ACYP2: variants seen among roughly 807,000 people sequenced by gnomAD.
ACYP2 encodes the protein acylphosphatase-2.
A neutral mutation model predicts 11.2 loss-of-function variants in ACYP2; 12 were observed. That is an observed-to-expected ratio of 1.08 (90% confidence interval 0.69 to 1.74). The LOEUF (loss-of-function observed/expected upper bound fraction) is 1.74. Ranked by LOEUF, ACYP2 falls within the 40% of genes most tolerant of loss-of-function variation. The pLI, the probability that ACYP2 is intolerant of heterozygous loss-of-function variation, is 0.00. For missense variants in ACYP2, 134 were observed against 101.9 expected, an observed-to-expected ratio of 1.31 and a Z score of -1.35; for synonymous variants, 43 against 32.2, an observed-to-expected ratio of 1.33 and a Z score of -1.13.
intron 5 of ACYP2, among the ~76,000 whole-genome samples, chr2:54,137,529 C>T (rs1681323092): frequency 6.6e-6 from 1 of 151,756 alleles, no homozygotes; most frequent in Non-Finnish European, 1.5e-5. Flanking sequence ...TGAGAACATG[C>T]AATATTTGGT....
At chr2:54,227,232 G>C (rs931452394) in intron 6 of ACYP2, among the ~76,000 whole-genome samples, 11 of 152,198 alleles carry the variant, frequency 7.2e-5, no homozygotes, top group African/African-American at 2.7e-4. Flanking sequence ...TCCAAAAGCA[G>C]TTTAACTAAG....
At chr2:54,013,192 C>T (rs1673475288) in intron 2 of ACYP2, among the ~76,000 whole-genome samples, 1 of 125,572 alleles carries the variant, frequency 8.0e-6, no homozygotes. Context: ...TCCACATCCT[C>T]AGCAATTTCT....
At chr2:54,049,223 T>C (rs1675697462) in intron 2 of ACYP2, among the ~76,000 whole-genome samples, 1 of 152,082 alleles carries the variant, frequency 6.6e-6, no homozygotes, top group South Asian at 2.1e-4. Context: ...ATCGCGTCAC[T>C]GCACTCCAGC....
chr2:54,007,892 G>GA lies in ACYP2; in HGVS notation c.62+34092dup, dbSNP rs1009246070. 4.0e-4 allele frequency among the ~76,000 whole-genome samples: 60 copies of GA among 150,054 alleles called. No homozygotes were observed. In the East Asian group the frequency reaches 7.6e-3, roughly 19 times the overall value. On this transcript the variant is annotated intron_variant, in intron 2 of 6. Transcript: ENST00000607452. ...AAAAAACAAACAAAAACAAACAAAT[G>GA]AAAAAAAAAAGGTGGTTTAGTTTTG... is the stretch of plus-strand genomic sequence containing the variant.
At chr2:54,108,447 C>T (rs2287642) in intron 4 of ACYP2, among the ~76,000 whole-genome samples, 86,115 of 152,016 alleles carry the variant, frequency 0.57, 24,534 homozygotes, top group East Asian at 0.71. Context: ...GAGTCAAGCC[C>T]TTTCGGGAGT....
intron 6 of ACYP2, among the ~76,000 whole-genome samples, chr2:54,219,925 A>G (rs1424054661): frequency 1.0e-5 from 1 of 99,034 alleles, no homozygotes; most frequent in East Asian, 3.2e-4. Context: ...TTTTTTTAGT[A>G]GAGATGGGTT....
At chr2:54,226,062 G>T (rs1685998506) in intron 6 of ACYP2, among the ~76,000 whole-genome samples, 1 of 152,182 alleles carries the variant, frequency 6.6e-6, no homozygotes. Flanking sequence ...ATATGGAAAA[G>T]TTTGTGAGAA....
intron 6 of ACYP2, among the ~76,000 whole-genome samples, chr2:54,163,456 A>C (rs1479616858): frequency 1.3e-5 from 2 of 152,232 alleles, no homozygotes; most frequent in African/African-American, 4.8e-5. Context: ...ACATTATTTA[A>C]AAAACTGAGA....
chr2:53,983,136 C>G (rs1240141419), intron 2 of ACYP2, among the ~76,000 whole-genome samples: 1 of 151,946 alleles, frequency 6.6e-6, no homozygotes, highest in African/African-American at 2.4e-5. Flanking sequence ...GATGCAAGGC[C>G]TAGACCAAAT....
chr2:54,143,191 C>T (rs571414949), intron 6 of ACYP2: 1 of 152,294 alleles, frequency 6.6e-6, no homozygotes, highest in East Asian at 1.9e-4. Context: ...CCATAGCAGG[C>T]ATGCCTGTTT....
At chr2:53,995,488 T>TTTTATTTATTTATTTATTTATTTA (rs374442168) in intron 2 of ACYP2, among the ~76,000 whole-genome samples, 20 of 145,070 alleles carry the variant, frequency 1.4e-4, no homozygotes, top group African/African-American at 4.3e-4. Context: ...TTTATTTATT[T>TTTTATTTATTTATTTATTTATTTA]TTTATTTATT....
At chr2:54,255,684 G>A (rs781018740) in intron 6 of ACYP2, 2 of 1,613,892 alleles carry the variant, frequency 1.2e-6, no homozygotes, top group East Asian at 2.2e-5. Context: ...CTGAGAACAT[G>A]GCACACTCCT....
intron 6 of ACYP2, among the ~76,000 whole-genome samples, chr2:54,217,051 G>C (rs1474629835): frequency 1.3e-5 from 2 of 151,538 alleles, no homozygotes; most frequent in Non-Finnish European, 2.9e-5. Context: ...TATTTCCTTA[G>C]GTTTCCCGTA....
intron 4 of ACYP2, among the ~76,000 whole-genome samples, chr2:54,067,053 A>C (rs1676787366): frequency 6.6e-6 from 1 of 152,216 alleles, no homozygotes; most frequent in East Asian, 1.9e-4. Flanking sequence ...TGATGGTAAC[A>C]CTTTTGTCAT....
chr2:54,095,128 C>G (rs983819759), intron 4 of ACYP2, among the ~76,000 whole-genome samples: 23 of 151,936 alleles, frequency 1.5e-4, no homozygotes, highest in Non-Finnish European at 3.1e-4. Context: ...TTTAACAAAG[C>G]ACATCTTGCA....
rs151103547 is a variant in ACYP2, at chr2:54,005,528, C to T, written c.62+31718C>T. Reference sequence around the variant, plus strand: ...CTAATTTTTGTATTTTTAGTAGAGACGGGTTTTGCCATGTTGGCCAGGCTG... The same window carrying T: ...CTAATTTTTGTATTTTTAGTAGAGATGGGTTTTGCCATGTTGGCCAGGCTG... On this transcript the variant is annotated intron_variant, in intron 2 of 6. Coordinates refer to ENST00000607452, the MANE Select transcript of ACYP2 (RefSeq NM_001320586.2). 6.6e-5 allele frequency among the ~76,000 whole-genome samples: 10 copies of T among 152,036 alleles called. No homozygotes were observed. The East Asian group carries it at 7.8e-4, about 12-fold the overall frequency.
chr2:54,202,706 C>CTTTTTTTTTTTTTTTTTT (rs70944152), intron 6 of ACYP2, among the ~76,000 whole-genome samples: 1 of 43,082 alleles, frequency 2.3e-5, no homozygotes. Context: ...CGGCGCCTGG[C>CTTTTTTTTTTTTTTTTTT]TTTTTTTTTT....
chr2:54,165,863 T>C (rs1572878720), intron 6 of ACYP2, among the ~76,000 whole-genome samples: 1 of 152,160 alleles, frequency 6.6e-6, no homozygotes, highest in East Asian at 1.9e-4. Context: ...AATCAATGAT[T>C]ACCGGCCATT....
At chr2:54,133,124 T>C (rs1423948118) in intron 4 of ACYP2, among the ~76,000 whole-genome samples, 1 of 152,182 alleles carries the variant, frequency 6.6e-6, no homozygotes, top group Non-Finnish European at 1.5e-5. Context: ...ACCCCGAAGT[T>C]CTTCACCCCC....
Sources: allele counts gnomAD v4.1 joint callset (sites outside exome capture counted in the v4.1 genomes callset), GRCh38; gene constraint gnomAD v4.1.1; transcripts MANE v1.5; gene names NCBI Gene and HGNC (gene_info 2026-07-23, HGNC 2026-07-21).